The following RTN4RL1 variants were observed in gnomAD, a reference collection of about 807,000 sequenced individuals.
The protein encoded by RTN4RL1 is reticulon 4 receptor like 1.
A neutral mutation model predicts 25.6 loss-of-function variants in RTN4RL1; 7 were observed. That is an observed-to-expected ratio of 0.27 (90% CI 0.16 to 0.51). The LOEUF (loss-of-function observed/expected upper bound fraction) is 0.51. Ranked by LOEUF, RTN4RL1 falls within the 20% of genes least tolerant of loss-of-function variation. The pLI is 0.97. For missense variants in RTN4RL1, 500 were observed against 615.6 expected, an observed-to-expected ratio of 0.81 and a Z score of 1.99; for synonymous variants, 297 against 288.2, an observed-to-expected ratio of 1.03 and a Z score of -0.31.
At position 1,937,744 on chromosome 17, in the gene RTN4RL1, T is replaced by C. The variant is rs541895593; in HGVS notation, c.78A>G (p.Pro26=). 4.4e-6 allele frequency: 7 copies of C among 1,607,896 alleles called. No homozygotes were observed. The South Asian group carries it at 4.4e-5, about 10-fold the overall frequency. The change falls in exon 2 of 2, where the codon CCA becomes CCG. Residue 26 remains proline (P), a synonymous_variant. Transcript: ENST00000331238. ...AAELPLGGGC[P]RDCVCYPAPM... Reference sequence around the variant, plus strand: ...GCGCCGGGTAGCACACACAGTCCCGTGGGCAGCCACCACCCAGGGGCAGCT... The same window carrying C: ...GCGCCGGGTAGCACACACAGTCCCGCGGGCAGCCACCACCCAGGGGCAGCT...
chr17:1,958,093 T>A (rs528240972), intron 1 of RTN4RL1, among the ~76,000 whole-genome samples: 25 of 150,192 alleles, frequency 1.7e-4, no homozygotes, highest in Non-Finnish European at 1.2e-4. Context: ...CTTGAGAGGC[T>A]GAGGAGGATA....
intron 1 of RTN4RL1, among the ~76,000 whole-genome samples, chr17:1,983,640 C>T (rs899293799): frequency 2.0e-5 from 3 of 152,094 alleles, no homozygotes; most frequent in African/African-American, 7.2e-5. Context: ...TGAGCTCAAG[C>T]GATCCTCCCA....
intron 1 of RTN4RL1, among the ~76,000 whole-genome samples, chr17:1,958,853 A>C (rs1163246373): frequency 6.6e-6 from 1 of 152,254 alleles, no homozygotes. Flanking sequence ...ATGGATCTTG[A>C]ATAAAATTGT....
chr17:1,961,168 G>T (rs576169949), intron 1 of RTN4RL1, among the ~76,000 whole-genome samples: 1 of 152,146 alleles, frequency 6.6e-6, no homozygotes, highest in African/African-American at 2.4e-5. Flanking sequence ...TCAAGCACTC[G>T]GATGAAGCCA....
chr17:2,013,483 A>G lies in RTN4RL1; in HGVS notation c.13+11370T>C, dbSNP rs190518658. ...CTTTGCTCACCTACAGAGCAGGCCA[A>G]CTGTGCTGGGAATGAATACCACCAC... is the stretch of plus-strand genomic sequence containing the variant. On this transcript the variant is annotated intron_variant, in intron 1 of 1. Transcript: ENST00000331238. Among the ~76,000 whole-genome samples the G allele has an allele frequency of 6.4e-3, 981 of 152,310 alleles. 9 individuals carry two copies. The highest frequency in any genetic ancestry group is 0.022 in the African/African-American group (897 of 41,542).
At position 2,014,300 on chromosome 17, in the gene RTN4RL1, G is replaced by A. The variant is rs181056354; in HGVS notation, c.13+10553C>T. Reference sequence around the variant, plus strand: ...CTCCTCATGGAACTCACCAACTGGCGGGGAAGACAGATCACATAAAAGTAT... The same window carrying A: ...CTCCTCATGGAACTCACCAACTGGCAGGGAAGACAGATCACATAAAAGTAT... On this transcript the variant is annotated intron_variant, in intron 1 of 1. Coordinates refer to ENST00000331238, the MANE Select transcript of RTN4RL1 (RefSeq NM_178568.4). 4.6e-5 allele frequency among the ~76,000 whole-genome samples: 7 copies of A among 152,180 alleles called. No homozygotes were observed. The East Asian group carries it at 7.7e-4, about 17-fold the overall frequency.
intron 1 of RTN4RL1, among the ~76,000 whole-genome samples, chr17:1,949,151 C>T (rs1387738663): frequency 4.6e-5 from 7 of 151,906 alleles, no homozygotes; most frequent in Non-Finnish European, 2.9e-5. Context: ...TTAGTAGAGA[C>T]GGGGTTTTCT....
At position 1,998,637 on chromosome 17, in the gene RTN4RL1, C is replaced by T. The variant is rs958963003; in HGVS notation, c.13+26216G>A. Among the ~76,000 whole-genome samples, 1 of 151,866 alleles carries T rather than the reference C, an allele frequency of 6.6e-6. No homozygotes were observed. Among genetic ancestry groups the T allele is most frequent in the African/African-American group, 2.4e-5 (1 of 41,370 alleles). On this transcript the variant is annotated intron_variant, in intron 1 of 1. Coordinates refer to ENST00000331238, the MANE Select transcript of RTN4RL1 (RefSeq NM_178568.4). The surrounding 1 kb of genome is among the most constrained non-coding windows in gnomAD (Gnocchi z 4.9). ...TGGGGCCGGCTCGCCTCCTCCTGGGCTCGCCGGGATGTGGCCTCCGAGGTC... is the reference window on the plus strand; with the variant it reads ...TGGGGCCGGCTCGCCTCCTCCTGGGTTCGCCGGGATGTGGCCTCCGAGGTC...
intron 1 of RTN4RL1, among the ~76,000 whole-genome samples, chr17:1,974,034 G>A (rs1228657159): frequency 1.2e-4 from 10 of 82,478 alleles, no homozygotes; most frequent in African/African-American, 1.8e-4. Flanking sequence ...GCGAGACTCC[G>A]TCTCAGAAAA....
intron 1 of RTN4RL1, among the ~76,000 whole-genome samples, chr17:1,982,613 C>CAAAAGAAAAGAAAAGAAAAG (rs71150842): frequency 1.8e-3 from 273 of 149,090 alleles, no homozygotes; most frequent in Non-Finnish European, 2.8e-3. Flanking sequence ...GACTCCGTCT[C>CAAAAGAAAAGAAAAGAAAAG]AAAAGAAAAG....
At chr17:1,947,091 CTG>C (rs985276278) in intron 1 of RTN4RL1, among the ~76,000 whole-genome samples, 1 of 143,458 alleles carries the variant, frequency 7.0e-6, no homozygotes, top group Non-Finnish European at 1.5e-5. Flanking sequence ...GTGCGTGTCT[CTG>C]TGTCAATGTG....
chr17:2,024,678 C>T (rs906694177), intron 1 of RTN4RL1, among the ~76,000 whole-genome samples, 175 bp downstream of exon 1: 2 of 152,126 alleles, frequency 1.3e-5, no homozygotes, highest in Admixed American at 1.3e-4. Context: ...CACAACTGGC[C>T]GCTGACGGGA....
intron 1 of RTN4RL1, among the ~76,000 whole-genome samples, chr17:1,969,552 A>G (rs2066808938): frequency 6.6e-6 from 1 of 152,186 alleles, no homozygotes; most frequent in Admixed American, 6.5e-5. Context: ...GCCAGCCGCC[A>G]GCTTCCCTAA....
chr17:1,945,849 C>CTGGA (rs1420766384), intron 1 of RTN4RL1, among the ~76,000 whole-genome samples: 2 of 152,362 alleles, frequency 1.3e-5, no homozygotes, highest in East Asian at 3.9e-4. Context: ...GTCACAATGG[C>CTGGA]TGGATGAAGG....
intron 1 of RTN4RL1, among the ~76,000 whole-genome samples, chr17:1,949,075 G>C (rs1915623653): frequency 6.6e-6 from 1 of 152,162 alleles, no homozygotes; most frequent in South Asian, 2.1e-4. Context: ...TTCTGCCTCA[G>C]CCTCCAGAGT....
chr17:2,019,612 C>T (rs989355050), intron 1 of RTN4RL1: 5 of 152,310 alleles, frequency 3.3e-5, no homozygotes, highest in Non-Finnish European at 7.3e-5. Context: ...TCAAACTCGG[C>T]CAAGAAGCTC....
intron 1 of RTN4RL1, among the ~76,000 whole-genome samples, chr17:1,954,634 C>T (rs986863270): frequency 2.7e-4 from 41 of 152,190 alleles, no homozygotes; most frequent in African/African-American, 6.7e-4. Flanking sequence ...ATGATCCACC[C>T]GCCTCGGCCT....
intron 1 of RTN4RL1, among the ~76,000 whole-genome samples, chr17:1,995,358 G>A (rs911080504): frequency 8.6e-5 from 13 of 151,712 alleles, no homozygotes; most frequent in Non-Finnish European, 8.8e-5. Context: ...CTCGGGAGGC[G>A]GAGGTTGCAG....
rs1028311845 is a variant in RTN4RL1 at position 1,994,192 on chromosome 17, C to T, written c.13+30661G>A. On this transcript the variant is annotated intron_variant, in intron 1 of 1. Coordinates refer to ENST00000331238, the MANE Select transcript of RTN4RL1 (RefSeq NM_178568.4). This position sits in a 1 kb window ranked among gnomAD's most constrained non-coding sequence, Gnocchi z 4.3. ...GAGAAGAGTGTGCCCAGGTGGAATT[C>T]ACAGGCGCTGGGAGCTTGAGGGGGA... Among the ~76,000 whole-genome samples, 8 of 151,970 alleles carry T rather than the reference C, an allele frequency of 5.3e-5. No homozygotes were observed. The highest frequency in any genetic ancestry group is 1.9e-4 in the African/African-American group (8 of 41,348).
Sources: allele counts gnomAD v4.1 joint callset (sites outside exome capture counted in the v4.1 genomes callset), GRCh38; gene constraint gnomAD v4.1.1; non-coding constraint Gnocchi (gnomAD v3.1); transcripts MANE v1.5; gene names NCBI Gene and HGNC (gene_info 2026-07-23, HGNC 2026-07-21).